Variants in KCNIP1 observed in about 807,000 individuals in gnomAD.
The protein encoded by KCNIP1 is A-type potassium channel modulatory protein KCNIP1.
In KCNIP1, 18 loss-of-function variants were observed where a neutral mutation model predicts 33.0. That is an observed-to-expected ratio of 0.55 (90% CI 0.38 to 0.81). The LOEUF (loss-of-function observed/expected upper bound fraction) is 0.81, where lower values mean the gene tolerates loss of function less well. Ranked by LOEUF, KCNIP1 falls within the 30% of genes least tolerant of loss-of-function variation. The probability of loss-of-function intolerance (pLI) is 0.00; values close to 1 mark genes in which losing one functional copy is unlikely to be tolerated. For synonymous variants in KCNIP1, 93 were observed against 98.3 expected, an observed-to-expected ratio of 0.95 and a Z score of 0.32; for missense variants, 238 against 271.6, an observed-to-expected ratio of 0.88 and a Z score of 0.87.
intron 1 of KCNIP1, chr5:170,378,994 A>G: frequency 6.2e-7 from 1 of 1,608,520 alleles, no homozygotes; most frequent in Non-Finnish European, 8.5e-7. Context: ...AAACAAGAGC[A>G]GCTGTGGGCT....
chr5:170,638,674 G>A (rs987476086), intron 1 of KCNIP1, among the ~76,000 whole-genome samples: 6 of 152,168 alleles, frequency 3.9e-5, no homozygotes, highest in African/African-American at 1.4e-4. Flanking sequence ...CCCGGGCCAA[G>A]CGTCCAAGGC....
rs1408396554 is a variant in KCNIP1, at chr5:170,719,991, AC to A, written c.187-325del. Reference sequence around the variant, plus strand: ...AGATACCCTTGGGGAAGTTATTGTTACCCCCATTTTACAGGTAAGGATATTG... The same window carrying A: ...AGATACCCTTGGGGAAGTTATTGTTACCCCATTTTACAGGTAAGGATATTG... On this transcript the variant is annotated intron_variant, in intron 2 of 7. Transcript: ENST00000328939. 2.6e-5 allele frequency among the ~76,000 whole-genome samples: 4 copies of A among 152,160 alleles called. No homozygotes were observed. In the East Asian group the frequency reaches 7.7e-4, roughly 29 times the overall value.
At chr5:170,515,086 G>A (rs907502037) in intron 1 of KCNIP1, among the ~76,000 whole-genome samples, 1 of 152,170 alleles carries the variant, frequency 6.6e-6, no homozygotes, top group African/African-American at 2.4e-5. Flanking sequence ...CAAGTGCCCC[G>A]ATGCCTGGTG....
chr5:170,438,162 A>G (rs13156072), intron 1 of KCNIP1, among the ~76,000 whole-genome samples: 83,406 of 152,084 alleles, frequency 0.55, 23,220 homozygotes, highest in Non-Finnish European at 0.59. Context: ...CTCAGGCCCC[A>G]AACCTTGCCC....
intron 1 of KCNIP1, among the ~76,000 whole-genome samples, chr5:170,585,315 C>G (rs1757946715): frequency 6.6e-6 from 1 of 152,098 alleles, no homozygotes; most frequent in East Asian, 1.9e-4. Flanking sequence ...GTGAGGAGAT[C>G]TGTTTTGTCC....
chr5:170,395,669 G>A (rs1363478897), intron 1 of KCNIP1, among the ~76,000 whole-genome samples: 1 of 152,214 alleles, frequency 6.6e-6, no homozygotes, highest in Admixed American at 6.5e-5. Flanking sequence ...TCATAGAAGT[G>A]GGAGATGGTG....
chr5:170,428,982 G>A (rs1347399429), intron 1 of KCNIP1, among the ~76,000 whole-genome samples: 1 of 152,030 alleles, frequency 6.6e-6, no homozygotes, highest in Non-Finnish European at 1.5e-5. Context: ...AGCCTGAAGT[G>A]TTCAGAACTT....
chr5:170,452,667 T>C (rs1756282290), intron 1 of KCNIP1, among the ~76,000 whole-genome samples: 1 of 152,188 alleles, frequency 6.6e-6, no homozygotes, highest in Non-Finnish European at 1.5e-5. Flanking sequence ...AAATCTGTCT[T>C]TTGCCACTTC....
At chr5:170,694,532 T>C (rs2113822211) in intron 1 of KCNIP1, among the ~76,000 whole-genome samples, 1 of 152,328 alleles carries the variant, frequency 6.6e-6, no homozygotes, top group South Asian at 2.1e-4. Context: ...CCTGATCAGA[T>C]GGAAGCAGTG....
intron 1 of KCNIP1, among the ~76,000 whole-genome samples, chr5:170,472,368 T>G (rs1225527918): frequency 6.6e-6 from 1 of 152,210 alleles, no homozygotes; most frequent in African/African-American, 2.4e-5. Context: ...TCCGCCCGCC[T>G]GGGTAAGGGA....
intron 1 of KCNIP1, among the ~76,000 whole-genome samples, chr5:170,518,045 G>A (rs1264726306): frequency 6.6e-6 from 1 of 151,904 alleles, no homozygotes; most frequent in East Asian, 1.9e-4. Context: ...TAATAGTAAT[G>A]ATGGTGGTGT....
intron 1 of KCNIP1, among the ~76,000 whole-genome samples, chr5:170,715,043 A>C (rs2113862457): frequency 6.6e-6 from 1 of 152,338 alleles, no homozygotes; most frequent in East Asian, 1.9e-4. Flanking sequence ...ATTCATGGTA[A>C]GTGCCCTAAT....
intron 1 of KCNIP1, among the ~76,000 whole-genome samples, chr5:170,413,928 TAAA>T (rs3051750): frequency 0.061 from 8,430 of 138,204 alleles, 256 homozygotes; most frequent in East Asian, 0.15. Context: ...GAGTGGAAGT[TAAA>T]AAAAAAAAAA....
chr5:170,605,837 C>T (rs1210212585), intron 1 of KCNIP1, among the ~76,000 whole-genome samples: 1 of 147,016 alleles, frequency 6.8e-6, no homozygotes, highest in Non-Finnish European at 1.5e-5. Flanking sequence ...TGCAGTGGCA[C>T]GACCTCAGCT....
At chr5:170,500,718 A>G (rs1380932614), upstream of KCNIP1, among the ~76,000 whole-genome samples, 1 of 152,144 alleles carries the variant, frequency 6.6e-6, no homozygotes, top group Non-Finnish European at 1.5e-5. Context: ...TGTTGGCTGC[A>G]TTGTACAGTG....
chr5:170,439,993 A>C (rs1755951839), intron 1 of KCNIP1, among the ~76,000 whole-genome samples: 1 of 152,232 alleles, frequency 6.6e-6, no homozygotes, highest in African/African-American at 2.4e-5. Context: ...AGGACCTTGC[A>C]ATGGGACTGT....
At chr5:170,400,796 G>A (rs1754884185) in intron 1 of KCNIP1, among the ~76,000 whole-genome samples, 1 of 152,180 alleles carries the variant, frequency 6.6e-6, no homozygotes, top group Non-Finnish European at 1.5e-5. Flanking sequence ...TGAGCAGTGT[G>A]GTCCAAACAG....
intron 1 of KCNIP1, among the ~76,000 whole-genome samples, chr5:170,693,008 G>T (rs535544670): frequency 2.6e-5 from 4 of 152,316 alleles, no homozygotes; most frequent in South Asian, 4.1e-4. Flanking sequence ...TCCATCACTG[G>T]TTAATAAACT....
At chr5:170,373,746 T>G (rs1356476143) in intron 1 of KCNIP1, among the ~76,000 whole-genome samples, 1 of 152,228 alleles carries the variant, frequency 6.6e-6, no homozygotes, top group Non-Finnish European at 1.5e-5. Flanking sequence ...ACAATGCATG[T>G]TACATGACCT....
Sources: gnomAD v4.1 joint callset for allele counts (sites outside exome capture counted in the v4.1 genomes callset) on GRCh38, gnomAD v4.1.1 for gene constraint, MANE v1.5 for transcripts, NCBI Gene and HGNC (gene_info 2026-07-23, HGNC 2026-07-21) for gene names.